Variants in GRID1 observed in about 807,000 individuals in gnomAD.
GRID1 encodes the protein glutamate receptor ionotropic, delta-1.
GRID1 carries 28 observed loss-of-function variants against 98.0 expected under a neutral mutation model. The ratio of observed to expected loss-of-function variants is 0.29; its 90% CI spans 0.21 to 0.39. The LOEUF (loss-of-function observed/expected upper bound fraction) is 0.39, where lower values mean the gene tolerates loss of function less well. Among genes scored for constraint, GRID1 ranks in the 10% least tolerant of loss-of-function variants. The pLI, the probability that GRID1 is intolerant of heterozygous loss-of-function variation, is 1.00. For missense variants in GRID1, 1,111 were observed against 1,340.5 expected, an observed-to-expected ratio of 0.83 and a Z score of 2.67; for synonymous variants, 553 against 538.5, an observed-to-expected ratio of 1.03 and a Z score of -0.37.
intron 8 of GRID1, among the ~76,000 whole-genome samples, chr10:85,839,417 G>C (rs1842942633): frequency 6.6e-6 from 1 of 152,090 alleles, no homozygotes; most frequent in Non-Finnish European, 1.5e-5. Flanking sequence ...CAATGCAAAA[G>C]AACCAAAATT....
intron 3 of GRID1, among the ~76,000 whole-genome samples, chr10:86,148,309 C>T (rs988618357): frequency 1.3e-5 from 2 of 152,214 alleles, no homozygotes; most frequent in South Asian, 4.1e-4. Flanking sequence ...GAAATCCTGT[C>T]ATTTGCAACA....
chr10:86,030,015 T>C (rs532055810), intron 4 of GRID1, among the ~76,000 whole-genome samples: 1 of 152,356 alleles, frequency 6.6e-6, no homozygotes, highest in Non-Finnish European at 1.5e-5. Context: ...CTAACTGAAA[T>C]ATTGGACAGA....
At chr10:85,756,258 C>T (rs185596395) in intron 8 of GRID1, among the ~76,000 whole-genome samples, 2 of 152,298 alleles carry the variant, frequency 1.3e-5, no homozygotes, top group Non-Finnish European at 2.9e-5. Flanking sequence ...CTTTTTCCTT[C>T]TTCACAATTT....
At chr10:86,110,626 T>C (rs148057840) in intron 4 of GRID1, among the ~76,000 whole-genome samples, 1 of 152,208 alleles carries the variant, frequency 6.6e-6, no homozygotes, top group East Asian at 1.9e-4. Flanking sequence ...GGCTTAGCAT[T>C]CCATGTCTGC....
chr10:86,366,210 C>G lies in GRID1; in HGVS notation c.79+104G>C. On this transcript the variant is annotated intron_variant, in intron 1 of 15. Coordinates refer to ENST00000327946, the MANE Select transcript of GRID1 (RefSeq NM_017551.3). This position sits in a 1 kb window ranked among gnomAD's most constrained non-coding sequence, Gnocchi z 4.1. Reference sequence around the variant, plus strand: ...CGCGGCCCTTCGGGGGAGCACCGCCCGCCGAGCCCCTCGGCCCAGGGAAAC... The same window carrying G: ...CGCGGCCCTTCGGGGGAGCACCGCCGGCCGAGCCCCTCGGCCCAGGGAAAC... The G allele has an allele frequency of 5.8e-6, 4 of 692,222 alleles. No homozygotes were observed. The highest frequency in any genetic ancestry group is 2.1e-6 in the Non-Finnish European group (1 of 474,994). The allele number at this position is 692,222 out of a possible 1,614,324, so 42.9% of individuals were successfully genotyped here.
At chr10:85,882,431 T>C (rs1841045664) in intron 5 of GRID1, among the ~76,000 whole-genome samples, 1 of 152,206 alleles carries the variant, frequency 6.6e-6, no homozygotes, top group Non-Finnish European at 1.5e-5. Flanking sequence ...CACCATGGAA[T>C]ACTATGCAGC....
At chr10:85,868,444 A>C (rs17105912) in intron 6 of GRID1, among the ~76,000 whole-genome samples, 5,001 of 152,240 alleles carry the variant, frequency 0.033, 214 homozygotes, top group East Asian at 0.2. Flanking sequence ...AGGACTGACC[A>C]GAAACACTTG....
intron 5 of GRID1, among the ~76,000 whole-genome samples, chr10:85,879,572 A>G (rs1840966727): frequency 6.6e-6 from 1 of 152,146 alleles, no homozygotes; most frequent in African/African-American, 2.4e-5. Context: ...TTTGAAACCA[A>G]CGAGAACAAA....
rs558174955 is a variant in GRID1, at chr10:86,089,962, C to A, written c.726+48857G>T. Among the ~76,000 whole-genome samples, 100 of 152,118 alleles carry A rather than the reference C, an allele frequency of 6.6e-4. 1 individual carries two copies. Among genetic ancestry groups the A allele is most frequent in the African/African-American group, 2.2e-3 (93 of 41,528 alleles). On this transcript the variant is annotated intron_variant, in intron 4 of 15. Coordinates refer to ENST00000327946, the MANE Select transcript of GRID1 (RefSeq NM_017551.3). ...GAGTTTCGCCATGTTGGCCAGGCTG[C>A]TCTTGAACTCCTGACCTCAGGTGAT... is the stretch of plus-strand genomic sequence containing the variant.
intron 12 of GRID1, among the ~76,000 whole-genome samples, chr10:85,710,341 C>T (rs186692377): frequency 6.6e-6 from 1 of 152,174 alleles, no homozygotes; most frequent in Admixed American, 6.5e-5. Flanking sequence ...AAATGATTTT[C>T]GATGAGGGTG....
At chr10:85,626,103 G>A (rs1483070871) in intron 13 of GRID1, among the ~76,000 whole-genome samples, 1 of 152,256 alleles carries the variant, frequency 6.6e-6, no homozygotes, top group Non-Finnish European at 1.5e-5. Context: ...GGTGCCTGTA[G>A]TGCCAGGTGC....
chr10:85,741,147 T>C (rs1365959392), intron 8 of GRID1, among the ~76,000 whole-genome samples: 2 of 152,174 alleles, frequency 1.3e-5, no homozygotes, highest in African/African-American at 4.8e-5. Flanking sequence ...GATCATCTTC[T>C]GGGTGCTTCC....
At chr10:85,822,648 G>A (rs1302761958) in intron 8 of GRID1, among the ~76,000 whole-genome samples, 1 of 152,168 alleles carries the variant, frequency 6.6e-6, no homozygotes, top group Non-Finnish European at 1.5e-5. Context: ...CAGGGATCTG[G>A]AACTAGAAAT....
chr10:86,140,546 C>T (rs2131973217), intron 3 of GRID1, among the ~76,000 whole-genome samples: 1 of 152,320 alleles, frequency 6.6e-6, no homozygotes, highest in Middle Eastern at 3.4e-3. Flanking sequence ...GTGACAGGAG[C>T]CATCATGGGG....
At chr10:85,976,430 C>A (rs757604216) in intron 4 of GRID1, among the ~76,000 whole-genome samples, 68 of 152,232 alleles carry the variant, frequency 4.5e-4, no homozygotes, top group Non-Finnish European at 5.0e-4. Context: ...GGCTGAGCTC[C>A]TGCTCACCAG....
intron 4 of GRID1, among the ~76,000 whole-genome samples, chr10:86,103,779 C>G (rs1268220223): frequency 6.6e-6 from 1 of 152,144 alleles, no homozygotes; most frequent in Non-Finnish European, 1.5e-5. Flanking sequence ...CACCCTGGGA[C>G]ACTGCCCACC....
intron 4 of GRID1, among the ~76,000 whole-genome samples, chr10:85,983,923 C>T (rs1842577009): frequency 6.6e-6 from 1 of 152,106 alleles, no homozygotes. Flanking sequence ...TCTCCCATGC[C>T]CACAGGACGC....
chr10:86,356,055 A>G (rs1409886596), intron 2 of GRID1, among the ~76,000 whole-genome samples: 2 of 152,216 alleles, frequency 1.3e-5, no homozygotes, highest in East Asian at 1.9e-4. Context: ...GACTAGCTCA[A>G]TGGTCCTGAG....
At chr10:86,156,684 T>C (rs1845250416) in intron 3 of GRID1, among the ~76,000 whole-genome samples, 1 of 152,144 alleles carries the variant, frequency 6.6e-6, no homozygotes, top group African/African-American at 2.4e-5. Context: ...GCAAGAAATG[T>C]GTGGCTTGTG....
Sources: allele counts gnomAD v4.1 joint callset (sites outside exome capture counted in the v4.1 genomes callset), GRCh38; gene constraint gnomAD v4.1.1; non-coding constraint Gnocchi (gnomAD v3.1); transcripts MANE v1.5; gene names NCBI Gene and HGNC (gene_info 2026-07-23, HGNC 2026-07-21).